Variants in HPN observed in about 807,000 individuals in gnomAD.
HPN encodes the protein hepsin, also known as serine protease hepsin.
HPN carries 13 observed loss-of-function variants against 55.9 expected under a neutral mutation model. That is an observed-to-expected ratio of 0.23 (90% confidence interval 0.15 to 0.37). The LOEUF is 0.37. Ranked by LOEUF, HPN falls within the 10% of genes least tolerant of loss-of-function variation. The pLI, the probability that HPN is intolerant of heterozygous loss-of-function variation, is 1.00. For synonymous variants in HPN, 225 were observed against 240.3 expected (o/e 0.94, Z 0.59); for missense variants, 451 against 575.8 (o/e 0.78, Z 2.22).
At chr19:35,052,920 C>T (rs2064419375) in intron 4 of HPN, among the ~76,000 whole-genome samples, 1 of 152,170 alleles carries the variant, frequency 6.6e-6, no homozygotes, top group Admixed American at 6.6e-5. Flanking sequence ...CCGGCTCTGG[C>T]CAGCACCACG....
In HPN at chr19:35,059,997, G is replaced by T. The variant is rs1205523758; in HGVS notation, c.413+1G>T. 1 of 1,588,900 alleles carries T rather than the reference G, an allele frequency of 6.3e-7. No individual in the cohort carries two copies. The highest frequency in any genetic ancestry group is 8.6e-7 in the Non-Finnish European group (1 of 1,166,456). On this transcript the variant is annotated splice_donor_variant, in intron 6 of 12. Coordinates refer to ENST00000672452, the MANE Select transcript of HPN (RefSeq NM_001384133.1). LOFTEE classifies it high-confidence loss of function. Reference sequence around the variant, plus strand: ...GGCTGCTGGAGGTCATCTCCGTGTGGTGAGGAGGGCAGCGGGCAGGTGGGG... The same window carrying T: ...GGCTGCTGGAGGTCATCTCCGTGTGTTGAGGAGGGCAGCGGGCAGGTGGGG...
intron 4 of HPN, 25 bp downstream of exon 4, chr19:35,049,541 C>G: frequency 6.3e-7 from 1 of 1,584,354 alleles, no homozygotes; most frequent in Non-Finnish European, 8.6e-7. Context: ...CTGGGACCCT[C>G]TGGGGGAGCC....
At position 35,065,351 on chromosome 19, in the gene HPN, TCCTGTCCTCTG is replaced by T. The variant is rs767545995; in HGVS notation, c.907+10_907+20del. 1 of 1,608,366 alleles carries T rather than the reference TCCTGTCCTCTG, an allele frequency of 6.2e-7. No homozygotes were observed. ...GGGCAACACGCAGTACTATGGTGAG[TCCTGTCCTCTG>T]CCTCTGATGCCACCGTTTGGGAGAC... On this transcript the variant is annotated splice_region_variant and intron_variant, in intron 10 of 12. Coordinates refer to ENST00000672452, the MANE Select transcript of HPN (RefSeq NM_001384133.1).
rs533708687 is a variant in HPN at position 35,053,396 on chromosome 19, G to A, written c.160+3880G>A. Among the ~76,000 whole-genome samples the A allele has an allele frequency of 2.0e-4, 30 of 152,268 alleles. No individual in the cohort carries two copies. In the South Asian group the frequency reaches 6.0e-3, roughly 31 times the overall value. On this transcript the variant is annotated intron_variant, in intron 4 of 12. Transcript: ENST00000672452. Reference sequence around the variant, plus strand: ...AGCCTTGGCTTTCATGGGGTGATGAGGACCCCCCAGCTAGAGGTGCCAGGC... The same window carrying A: ...AGCCTTGGCTTTCATGGGGTGATGAAGACCCCCCAGCTAGAGGTGCCAGGC...
chr19:35,056,736 A>G (rs942376339), intron 4 of HPN, among the ~76,000 whole-genome samples: 5 of 152,182 alleles, frequency 3.3e-5, no homozygotes, highest in Non-Finnish European at 7.3e-5. Context: ...TGTCTCGGCC[A>G]TCTGTGTCTC....
rs1163810476 is a variant in HPN at position 35,041,853 on chromosome 19, C to T, written c.-74C>T. ...CCCGGCACTACCTCGAGGCTCCGCC[C>T]CCACCTGCTGGACCCCAGGGTAAGG... On this transcript the variant is annotated 5_prime_UTR_variant, in exon 1 of 13. Coordinates refer to ENST00000672452, the MANE Select transcript of HPN (RefSeq NM_001384133.1). 1.5e-6 allele frequency: 2 copies of T among 1,342,892 alleles called. No individual in the cohort carries two copies. The highest frequency in any genetic ancestry group is 2.3e-5 in the South Asian group (2 of 86,636). The allele number at this position is 1,342,892 out of a possible 1,614,324, so 83.2% of individuals were successfully genotyped here.
intron 4 of HPN, 148 bp downstream of exon 4, chr19:35,049,664 T>G: frequency 2.6e-6 from 2 of 770,608 alleles, no homozygotes; most frequent in Non-Finnish European, 2.1e-6. Context: ...GTGCCTGCTA[T>G]GTACCAGGCA....
At chr19:35,058,689 T>C (rs2064487308) in intron 4 of HPN, among the ~76,000 whole-genome samples, 2 of 150,522 alleles carry the variant, frequency 1.3e-5, no homozygotes, top group African/African-American at 4.9e-5. Flanking sequence ...AAAGTTCATA[T>C]GAAGAAACCA....
At chr19:35,041,955 C>A in intron 1 of HPN, 83 bp downstream of exon 1, 1 of 1,232,344 alleles carries the variant, frequency 8.1e-7, no homozygotes, top group Non-Finnish European at 1.0e-6. Context: ...TAATGCCCAC[C>A]TCCTAATAGA....
intron 2 of HPN, among the ~76,000 whole-genome samples, chr19:35,043,311 T>C (rs1001931313): frequency 2.5e-4 from 38 of 152,306 alleles, no homozygotes; most frequent in African/African-American, 8.2e-4. Flanking sequence ...TAGCCTGGCT[T>C]CCTTTCTACC....
upstream of HPN, among the ~76,000 whole-genome samples, chr19:35,040,913 C>T (rs1463750393): frequency 2.0e-5 from 3 of 152,008 alleles, no homozygotes; most frequent in East Asian, 3.9e-4. Flanking sequence ...GCCGGTTGTG[C>T]GGGTGGCCTA....
chr19:35,061,827 C>T (rs2064537308), intron 9 of HPN, among the ~76,000 whole-genome samples: 1 of 152,054 alleles, frequency 6.6e-6, no homozygotes. Flanking sequence ...GCACTCTGGG[C>T]AGCTGAGATG....
At chr19:35,052,001 A>G (rs900583827) in intron 4 of HPN, among the ~76,000 whole-genome samples, 6 of 152,038 alleles carry the variant, frequency 3.9e-5, no homozygotes, top group African/African-American at 1.4e-4. Flanking sequence ...CCCACCTCAC[A>G]CTGGCTTCTA....
At chr19:35,052,344 G>T (rs113814007) in intron 4 of HPN, among the ~76,000 whole-genome samples, 1 of 151,870 alleles carries the variant, frequency 6.6e-6, no homozygotes, top group Admixed American at 6.6e-5. Flanking sequence ...CCTGGCCAAC[G>T]TGGTGAAACC....
At chr19:35,050,914 C>CTTTTTTTTTTTTTTTTTTTTTTTT (rs5827917) in intron 4 of HPN, among the ~76,000 whole-genome samples, 1 of 90,442 alleles carries the variant, frequency 1.1e-5, no homozygotes, top group Non-Finnish European at 2.0e-5. Context: ...TTCTTTCTTT[C>CTTTTTTTTTTTTTTTTTTTTTTTT]TTTTTTTTTT....
chr19:35,050,906 C>T (rs1372082556), intron 4 of HPN, among the ~76,000 whole-genome samples: 17 of 122,302 alleles, frequency 1.4e-4, no homozygotes, highest in South Asian at 2.7e-4. Context: ...TTCTTTCTTT[C>T]TTTCTTTCTT....
intron 4 of HPN, among the ~76,000 whole-genome samples, chr19:35,049,827 T>C (rs2064384649): frequency 6.6e-6 from 1 of 151,386 alleles, no homozygotes; most frequent in South Asian, 2.1e-4. Flanking sequence ...ACAGTACATC[T>C]CTCAGTAAGT....
intron 4 of HPN, among the ~76,000 whole-genome samples, chr19:35,051,534 A>C (rs2064405347): frequency 1.3e-5 from 2 of 152,198 alleles, no homozygotes. Flanking sequence ...GGTGTGCACC[A>C]CCACAACCCA....
intron 2 of HPN, among the ~76,000 whole-genome samples, chr19:35,046,174 G>C (rs978458544): frequency 6.6e-6 from 1 of 152,212 alleles, no homozygotes; most frequent in African/African-American, 2.4e-5. Flanking sequence ...AGTTGGGCTG[G>C]TCTGGCCCAC....
Sources: gnomAD v4.1 joint callset for allele counts (sites outside exome capture counted in the v4.1 genomes callset) on GRCh38, gnomAD v4.1.1 for gene constraint, MANE v1.5 for transcripts, NCBI Gene and HGNC (gene_info 2026-07-23, HGNC 2026-07-21) for gene names.